CRTC1: variants seen among roughly 807,000 people sequenced by gnomAD.
The protein encoded by CRTC1 is CREB regulated transcription coactivator 1.
In CRTC1, 18 loss-of-function variants were observed where a neutral mutation model predicts 66.1. The ratio of observed to expected loss-of-function variants is 0.27; its 90% CI spans 0.19 to 0.40. The LOEUF (loss-of-function observed/expected upper bound fraction) is 0.40. CRTC1 is among the 10% of genes least tolerant of loss of function. The pLI, the probability that CRTC1 is intolerant of heterozygous loss-of-function variation, is 1.00. For synonymous variants in CRTC1, 416 were observed against 398.8 expected, an observed-to-expected ratio of 1.04 and a Z score of -0.51; for missense variants, 669 against 887.9, an observed-to-expected ratio of 0.75 and a Z score of 3.13.
chr19:18,691,999 C>G (rs1300263691), intron 1 of CRTC1, among the ~76,000 whole-genome samples: 2 of 152,096 alleles, frequency 1.3e-5, no homozygotes, highest in Non-Finnish European at 2.9e-5. Flanking sequence ...AGGTGTGAGC[C>G]ACCGCGCTCG....
Position 18,778,467 on chromosome 19 carries a change from T to G in CRTC1, c.*1085T>G, listed in dbSNP as rs114092595. ...AAGCAGCCCGCCACCCACCTGAGTG[T>G]AAGAAGTGAGTCCGGCTTTTGGGTT... is the stretch of plus-strand genomic sequence containing the variant. On this transcript the variant is annotated 3_prime_UTR_variant, in exon 14 of 14. Transcript: ENST00000321949. The G allele has an allele frequency of 2.1e-3, 493 of 231,918 alleles. 6 individuals carry two copies. Among genetic ancestry groups the G allele is most frequent in the African/African-American group, 0.01 (473 of 45,368 alleles). 14.4% of individuals were successfully genotyped at this position (231,918 alleles called of 1,614,324 possible).
At chr19:18,757,956 T>G in intron 6 of CRTC1, among the ~76,000 whole-genome samples, 1 of 151,602 alleles carries the variant, frequency 6.6e-6, no homozygotes, top group African/African-American at 2.4e-5. Flanking sequence ...AGGTGGAGCT[T>G]GCAGTGAGCC....
intron 8 of CRTC1, among the ~76,000 whole-genome samples, chr19:18,761,243 G>A (rs1257158320): frequency 2.0e-5 from 3 of 152,172 alleles, no homozygotes; most frequent in East Asian, 1.9e-4. Context: ...CCTGGCCCAC[G>A]TTGCTGCTCC....
In CRTC1 at chr19:18,742,978, G is replaced by A. The variant is rs2054143699; in HGVS notation, c.195G>A (p.Leu65=). ...PSRGQYYGGS[L]PNVNQIGSGT... is the part of the protein sequence containing the mutation. ...GAGGCCAGTACTATGGCGGGTCCCT[G>A]CCCAACGTGAACCAGATCGGGAGTG... is the stretch of plus-strand genomic sequence containing the variant. The change falls in exon 2 of 14, where the codon CTG becomes CTA. Residue 65 remains leucine (L), a synonymous_variant. Coordinates refer to ENST00000321949, the MANE Select transcript of CRTC1 (RefSeq NM_015321.3). The A allele has an allele frequency of 2.5e-6, 4 of 1,613,108 alleles. No homozygotes were observed. The highest frequency in any genetic ancestry group is 3.4e-6 in the Non-Finnish European group (4 of 1,179,832).
At chr19:18,694,121 G>C (rs1477389393) in intron 1 of CRTC1, among the ~76,000 whole-genome samples, 1 of 141,062 alleles carries the variant, frequency 7.1e-6, no homozygotes, top group Admixed American at 7.2e-5. Context: ...GTAACAGAGC[G>C]AGACTCCGTC....
chr19:18,760,093 A>G lies in CRTC1; in HGVS notation c.751A>G (p.Asn251Asp). The G allele has an allele frequency of 2.5e-6, 4 of 1,613,750 alleles. No individual in the cohort carries two copies. The highest frequency in any genetic ancestry group is 1.7e-4 in the Middle Eastern group (1 of 6,058). Residue 251 changes from asparagine to aspartate, a missense_variant, in exon 8 of 14, where the codon AAC becomes GAC. Asn to Asp is a conservative substitution (Grantham distance 23). Transcript: ENST00000321949. This position sits in a 1 kb window ranked among gnomAD's most constrained non-coding sequence, Gnocchi z 6.2. Reference sequence around the variant, plus strand: ...AGGGGGGTCCCTGCCCGACCTGACCAACATCCACTTCCCCTCCCCGCTCCC... The same window carrying G: ...AGGGGGGTCCCTGCCCGACCTGACCGACATCCACTTCCCCTCCCCGCTCCC... ...NTGGSLPDLT[N>D]IHFPSPLPTP...
At chr19:18,743,628 C>T (rs914682564) in intron 2 of CRTC1, among the ~76,000 whole-genome samples, 1 of 138,744 alleles carries the variant, frequency 7.2e-6, no homozygotes, top group Admixed American at 7.0e-5. Context: ...ACAGGTCCCC[C>T]TGGGGGGGGG....
intron 1 of CRTC1, among the ~76,000 whole-genome samples, chr19:18,693,187 G>A (rs112798634): frequency 0.11 from 16,738 of 151,478 alleles, 1,043 homozygotes; most frequent in Middle Eastern, 0.18. Flanking sequence ...TCAAGAGATC[G>A]AGACCACCCT....
rs1404654949 is a variant in CRTC1 at position 18,706,593 on chromosome 19, G to GTGAGTCT, written c.126+22767_126+22773dup. On this transcript the variant is annotated intron_variant, in intron 1 of 13. Coordinates refer to ENST00000321949, the MANE Select transcript of CRTC1 (RefSeq NM_015321.3). Reference sequence around the variant, plus strand: ...TAGTTAAGTTTTGAGATCAAGAAGTGTGAGTCTTCCAATTTTGTTATTCTT... The same window carrying GTGAGTCT: ...TAGTTAAGTTTTGAGATCAAGAAGTGTGAGTCTTGAGTCTTCCAATTTTGTTATTCTT... 4.6e-5 allele frequency among the ~76,000 whole-genome samples: 7 copies of GTGAGTCT among 152,146 alleles called. 1 individual carries two copies. In the South Asian group the frequency reaches 1.0e-3, roughly 23 times the overall value.
chr19:18,759,360 C>A (rs899063980), intron 6 of CRTC1, among the ~76,000 whole-genome samples, 191 bp from the exon 7 acceptor site: 1 of 152,234 alleles, frequency 6.6e-6, no homozygotes, highest in Non-Finnish European at 1.5e-5. Flanking sequence ...ATGTCTGGGG[C>A]CCGCCCCTCC....
chr19:18,721,339 G>A (rs1286990065), intron 1 of CRTC1, among the ~76,000 whole-genome samples: 2 of 151,806 alleles, frequency 1.3e-5, no homozygotes, highest in South Asian at 2.1e-4. Context: ...GACTTCAGGC[G>A]CCCGCCACCA....
chr19:18,721,590 G>T (rs1022740078), intron 1 of CRTC1, among the ~76,000 whole-genome samples: 1 of 151,286 alleles, frequency 6.6e-6, no homozygotes, highest in Non-Finnish European at 1.5e-5. Flanking sequence ...TGCCTCCTGG[G>T]GTCAAGCGAT....
intron 1 of CRTC1, among the ~76,000 whole-genome samples, chr19:18,714,750 G>A (rs1233357979): frequency 2.6e-5 from 4 of 152,200 alleles, no homozygotes; most frequent in Non-Finnish European, 4.4e-5. Context: ...TTGAGGTGTC[G>A]TTCTCACCCC....
intron 1 of CRTC1, among the ~76,000 whole-genome samples, chr19:18,699,982 C>T (rs2053092467): frequency 6.6e-6 from 1 of 152,090 alleles, no homozygotes; most frequent in African/African-American, 2.4e-5. Context: ...TTGTGACAGA[C>T]TGAGCCTCAT....
chr19:18,731,300 G>A (rs1218595294), intron 1 of CRTC1, among the ~76,000 whole-genome samples: 3 of 152,194 alleles, frequency 2.0e-5, no homozygotes, highest in African/African-American at 7.2e-5. Context: ...GCCAGTCTCA[G>A]GCCCCTTTCC....
intron 8 of CRTC1, among the ~76,000 whole-genome samples, chr19:18,763,992 C>A (rs943794507): frequency 1.3e-5 from 2 of 152,166 alleles, no homozygotes; most frequent in African/African-American, 4.8e-5. Context: ...ACGCCAGGGC[C>A]TGCAAAGGGC....
chr19:18,772,556 C>T (rs552093382), intron 11 of CRTC1, among the ~76,000 whole-genome samples: 2 of 152,324 alleles, frequency 1.3e-5, no homozygotes, highest in Admixed American at 1.3e-4. Flanking sequence ...AAGAGTCGCT[C>T]CTCCAGGGCT....
At position 18,769,463 on chromosome 19, in the gene CRTC1, C is replaced by T. The variant is rs570964793; in HGVS notation, c.1320+670C>T. ...CACAATGAGTCCTCCCACTTGACCC[C>T]GACTGCCAGCCCCAGGCTAAATGTC... On this transcript the variant is annotated intron_variant, in intron 10 of 13. Transcript: ENST00000321949. Among the ~76,000 whole-genome samples the T allele has an allele frequency of 8.9e-4, 135 of 152,354 alleles. 1 individual carries two copies. In the South Asian group the frequency reaches 0.013, roughly 14 times the overall value.
At chr19:18,704,094 G>T (rs938899140) in intron 1 of CRTC1, among the ~76,000 whole-genome samples, 3 of 152,238 alleles carry the variant, frequency 2.0e-5, no homozygotes, top group Non-Finnish European at 4.4e-5. Context: ...GGATCCCACA[G>T]AAGTGAAGTG....
Sources: gnomAD v4.1 joint callset for allele counts (sites outside exome capture counted in the v4.1 genomes callset) on GRCh38, gnomAD v4.1.1 for gene constraint, Gnocchi (gnomAD v3.1) non-coding constraint, MANE v1.5 for transcripts, NCBI Gene and HGNC (gene_info 2026-07-23, HGNC 2026-07-21) for gene names.